Variants in ACOXL observed in about 807,000 individuals in gnomAD.
ACOXL encodes acyl-coenzyme A oxidase-like protein.
A neutral mutation model predicts 71.9 loss-of-function variants in ACOXL; 70 were observed. The observed-to-expected ratio is 0.97, with a 90% CI of 0.80 to 1.19. The LOEUF (loss-of-function observed/expected upper bound fraction) is 1.19. ACOXL is among the 50% of genes most tolerant of loss of function. The probability of loss-of-function intolerance (pLI) is 0.00; values close to 1 mark genes in which losing one functional copy is unlikely to be tolerated. For missense variants in ACOXL, 703 were observed against 736.3 expected (o/e 0.95, Z 0.52); for synonymous variants, 253 against 281.6 (o/e 0.90, Z 1.02).
chr2:110,782,863 T>C (rs566649532), intron 2 of ACOXL, among the ~76,000 whole-genome samples: 12 of 152,258 alleles, frequency 7.9e-5, no homozygotes, highest in African/African-American at 2.4e-4. Context: ...GAAGGGTTTG[T>C]TGTGATGATT....
chr2:110,781,513 G>GCA (rs1200030770), intron 2 of ACOXL, among the ~76,000 whole-genome samples: 1 of 151,786 alleles, frequency 6.6e-6, no homozygotes, highest in African/African-American at 2.4e-5. Flanking sequence ...ATGGTGGCGC[G>GCA]CACCTGTAAT....
chr2:110,900,603 A>G (rs765137168), intron 10 of ACOXL, among the ~76,000 whole-genome samples: 1 of 152,136 alleles, frequency 6.6e-6, no homozygotes, highest in Non-Finnish European at 1.5e-5. Flanking sequence ...TAACCATTCT[A>G]TCTTGTGCTG....
At chr2:110,998,728 T>C (rs1316845830) in intron 14 of ACOXL, among the ~76,000 whole-genome samples, 2 of 152,200 alleles carry the variant, frequency 1.3e-5, no homozygotes, top group Non-Finnish European at 2.9e-5. Flanking sequence ...GAGGCAGCTT[T>C]TGATACATTT....
chr2:110,972,519 C>T (rs1345536262), intron 12 of ACOXL, among the ~76,000 whole-genome samples: 1 of 152,168 alleles, frequency 6.6e-6, no homozygotes, highest in Non-Finnish European at 1.5e-5. Flanking sequence ...ACTAGGAGAA[C>T]TCACAGGACT....
intron 1 of ACOXL, among the ~76,000 whole-genome samples, chr2:110,738,211 A>G (rs1301038853): frequency 6.6e-6 from 1 of 152,200 alleles, no homozygotes; most frequent in Non-Finnish European, 1.5e-5. Context: ...GCAGACAGCT[A>G]TTTCTGAGAT....
At position 110,746,059 on chromosome 2, in the gene ACOXL, C is replaced by T. The variant is rs184523094; in HGVS notation, c.-23+13285C>T. Among the ~76,000 whole-genome samples the T allele has an allele frequency of 4.5e-4, 69 of 152,250 alleles. 1 individual carries two copies. The highest frequency in any genetic ancestry group is 1.4e-3 in the Admixed American group (21 of 15,298). On this transcript the variant is annotated intron_variant, in intron 1 of 17. Coordinates refer to ENST00000439055, the MANE Select transcript of ACOXL (RefSeq NM_001142807.4). Reference sequence around the variant, plus strand: ...CTTCTCTGTATCCTCTACCTTACAACGTCAAGGCTGGCAAGATTTATACTC... The same window carrying T: ...CTTCTCTGTATCCTCTACCTTACAATGTCAAGGCTGGCAAGATTTATACTC...
In ACOXL at chr2:110,947,596, C is replaced by T. The variant is rs114554680; in HGVS notation, c.1059+13954C>T. The stretch of plus-strand genomic sequence containing the variant: ...TAGTAACAGATCACACTGAAAGATC[C>T]GAACTCTTTCCCCTTCCCTTCTCCC... On this transcript the variant is annotated intron_variant, in intron 12 of 17. Transcript: ENST00000439055. Among the ~76,000 whole-genome samples the T allele has an allele frequency of 7.6e-3, 1,158 of 152,270 alleles. 7 individuals carry two copies. Among genetic ancestry groups the T allele is most frequent in the Middle Eastern group, 0.041 (12 of 294 alleles).
At chr2:110,913,990 A>G (rs2059746477) in intron 11 of ACOXL, among the ~76,000 whole-genome samples, 1 of 152,124 alleles carries the variant, frequency 6.6e-6, no homozygotes, top group South Asian at 2.1e-4. Flanking sequence ...GGGACATCCA[A>G]ACTATATCAG....
intron 10 of ACOXL, among the ~76,000 whole-genome samples, chr2:110,908,296 C>T (rs2059531780): frequency 1.3e-5 from 2 of 152,208 alleles, no homozygotes; most frequent in Admixed American, 1.3e-4. Context: ...ACCTTTTCCA[C>T]ATAGAATTGC....
chr2:110,795,746 A>AT (rs1685205155), intron 5 of ACOXL: 2 of 151,696 alleles, frequency 1.3e-5, no homozygotes, highest in South Asian at 4.2e-4. Context: ...TGGCTGGCCG[A>AT]TTTTTTTCCT....
In ACOXL at chr2:111,066,205, A is replaced by G. The variant is rs565525934; in HGVS notation, c.1440+16917A>G. Among the ~76,000 whole-genome samples, 8 of 152,370 alleles carry G rather than the reference A, an allele frequency of 5.3e-5. No homozygotes were observed. The South Asian group carries it at 1.7e-3, about 32-fold the overall frequency. ...ATGAAATATATATTCTTTTGCAATG[A>G]GAAAGAATGCACTATTGATACATTC... is the stretch of plus-strand genomic sequence containing the variant. On this transcript the variant is annotated intron_variant, in intron 16 of 17. Transcript: ENST00000439055.
At chr2:110,897,270 A>T (rs1048166221) in intron 10 of ACOXL, among the ~76,000 whole-genome samples, 4 of 152,238 alleles carry the variant, frequency 2.6e-5, no homozygotes, top group African/African-American at 9.6e-5. Flanking sequence ...TGCTAAATGC[A>T]TATATTAGAA....
intron 11 of ACOXL, among the ~76,000 whole-genome samples, chr2:110,920,444 A>G (rs1031392919): frequency 2.0e-5 from 3 of 152,082 alleles, no homozygotes; most frequent in African/African-American, 7.2e-5. Context: ...CTTATTGTTG[A>G]GTGCAAGAGT....
chr2:110,957,662 G>C (rs1005707750), intron 12 of ACOXL, among the ~76,000 whole-genome samples: 2 of 152,062 alleles, frequency 1.3e-5, no homozygotes, highest in Non-Finnish European at 2.9e-5. Context: ...TTGAATTAGG[G>C]CTGCTCAATT....
At chr2:110,927,259 C>T (rs916727957) in intron 11 of ACOXL, among the ~76,000 whole-genome samples, 2 of 152,172 alleles carry the variant, frequency 1.3e-5, no homozygotes, top group Non-Finnish European at 2.9e-5. Context: ...TCACCTCTCG[C>T]CAGGCCCCTC....
intron 15 of ACOXL, among the ~76,000 whole-genome samples, chr2:111,042,855 C>T (rs539199585): frequency 6.6e-6 from 1 of 152,154 alleles, no homozygotes; most frequent in South Asian, 2.1e-4. Context: ...AGGATGGAGA[C>T]CAAAACAAGT....
intron 12 of ACOXL, among the ~76,000 whole-genome samples, chr2:110,934,443 T>C (rs1274962576): frequency 6.6e-6 from 1 of 152,212 alleles, no homozygotes; most frequent in East Asian, 1.9e-4. Context: ...TGTTGGTCTT[T>C]GGTCTGAATT....
At chr2:110,747,082 C>T (rs1678325401) in intron 1 of ACOXL, among the ~76,000 whole-genome samples, 1 of 152,086 alleles carries the variant, frequency 6.6e-6, no homozygotes, top group African/African-American at 2.4e-5. Flanking sequence ...AGATTGTGAC[C>T]CCATAGTACT....
intron 16 of ACOXL, among the ~76,000 whole-genome samples, chr2:111,080,877 C>T (rs183212676): frequency 2.4e-4 from 36 of 152,342 alleles, no homozygotes; most frequent in East Asian, 2.3e-3. Context: ...ACATACAAAT[C>T]AACAAACATA....
Sources: allele counts gnomAD v4.1 joint callset (sites outside exome capture counted in the v4.1 genomes callset), GRCh38; gene constraint gnomAD v4.1.1; transcripts MANE v1.5; gene names NCBI Gene and HGNC (gene_info 2026-07-23, HGNC 2026-07-21).